CCDC150: variants seen among roughly 807,000 people sequenced by gnomAD.
CCDC150 encodes coiled-coil domain-containing protein 150.
A neutral mutation model predicts 156.5 loss-of-function variants in CCDC150; 151 were observed. That is an observed-to-expected ratio of 0.97 (90% CI 0.85 to 1.10). The LOEUF (loss-of-function observed/expected upper bound fraction) is 1.10, where lower values mean the gene tolerates loss of function less well. CCDC150 is among the 50% of genes least tolerant of loss of function. The probability of loss-of-function intolerance (pLI) is 0.00; values close to 1 mark genes in which losing one functional copy is unlikely to be tolerated. For synonymous variants in CCDC150, 452 were observed against 429.4 expected (o/e 1.05, Z -0.65); for missense variants, 1,312 against 1,268.1 (o/e 1.03, Z -0.53).
At chr2:196,713,310 ATAACTC>A in intron 17 of CCDC150, 2 of 1,425,454 alleles carry the variant, frequency 1.4e-6, no homozygotes, top group South Asian at 1.7e-5. Context: ...TCCTTGAAAA[ATAACTC>A]TAGGTTTAGC....
At chr2:196,647,049 C>A (rs529469772) in intron 2 of CCDC150, among the ~76,000 whole-genome samples, 1 of 152,014 alleles carries the variant, frequency 6.6e-6, no homozygotes, top group African/African-American at 2.4e-5. Flanking sequence ...CTTAAGCAGC[C>A]AATTGAGAAT....
chr2:196,695,479 G>GC (rs1368176129), intron 14 of CCDC150, among the ~76,000 whole-genome samples: 1 of 152,068 alleles, frequency 6.6e-6, no homozygotes, highest in Admixed American at 6.6e-5. Flanking sequence ...TAGGCAATCA[G>GC]TAATAAGTCT....
Position 196,676,666 on chromosome 2 carries a change from G to A in CCDC150, c.1375G>A (p.Glu459Lys). 6.2e-7 allele frequency: 1 copy of A among 1,613,816 alleles called. No homozygotes were observed. Among genetic ancestry groups the A allele is most frequent in the Non-Finnish European group, 8.5e-7 (1 of 1,179,752 alleles). The change falls in exon 12 of 28, where the codon GAA becomes AAA. Residue 459 changes from glutamate to lysine, a missense_variant. Physicochemically the swap from Glu to Lys is moderately conservative, Grantham distance 56. Transcript: ENST00000389175. ...ATCAACTATTGCAAGATTGCGAGGTGAATTGGAAGCATCAATGCAAGAGAA... is the reference window on the plus strand; with the variant it reads ...ATCAACTATTGCAAGATTGCGAGGTAAATTGGAAGCATCAATGCAAGAGAA... ...LESTIARLRGELEASMQEKKS... is the reference protein window; with the variant it reads ...LESTIARLRGKLEASMQEKKS...
chr2:196,719,378 G>A, intron 18 of CCDC150, 119 bp from the exon 19 acceptor site: 4 of 671,248 alleles, frequency 6.0e-6, no homozygotes, highest in Non-Finnish European at 9.4e-6. Context: ...ATTCCCACTA[G>A]CATCCTACTG....
intron 21 of CCDC150, among the ~76,000 whole-genome samples, chr2:196,722,466 G>A (rs531238248): frequency 3.3e-5 from 5 of 151,704 alleles, no homozygotes; most frequent in Admixed American, 6.6e-5. Flanking sequence ...TTAAGAGATA[G>A]GGTTTCTCCA....
intron 13 of CCDC150, among the ~76,000 whole-genome samples, chr2:196,683,583 G>C (rs962433498): frequency 6.6e-6 from 1 of 151,980 alleles, no homozygotes; most frequent in Non-Finnish European, 1.5e-5. Flanking sequence ...GAGGGATTGG[G>C]GTTAATTCTT....
chr2:196,711,818 TATTAGCCACAAATTTTTGAATTAC>T (rs1200710655), intron 15 of CCDC150, among the ~76,000 whole-genome samples: 1 of 152,124 alleles, frequency 6.6e-6, no homozygotes, highest in Non-Finnish European at 1.5e-5. Context: ...AATTCAAATA[TATTAGCCACAAATTTTTGAATTAC>T]ATTAGCCACA....
chr2:196,714,118 G>A lies in CCDC150; in HGVS notation c.1866+1379G>A, dbSNP rs189010051. Among the ~76,000 whole-genome samples, 4 of 152,290 alleles carry A rather than the reference G, an allele frequency of 2.6e-5. No individual in the cohort carries two copies. The East Asian group carries it at 5.8e-4, about 22-fold the overall frequency. On this transcript the variant is annotated intron_variant, in intron 17 of 27. Coordinates refer to ENST00000389175, the MANE Select transcript of CCDC150 (RefSeq NM_001080539.2). ...AAAATACTATAGCTTATCTTCTAGAGTGGGCTACTATTACCGGAAGGAGGG... is the reference window on the plus strand; with the variant it reads ...AAAATACTATAGCTTATCTTCTAGAATGGGCTACTATTACCGGAAGGAGGG...
chr2:196,639,913 G>A (rs1692110146), intron 1 of CCDC150, 135 bp downstream of exon 1: 1 of 789,020 alleles, frequency 1.3e-6, no homozygotes, highest in Non-Finnish European at 1.8e-6. Context: ...CTGGACCTCA[G>A]GGCCCTGATT....
In CCDC150 at chr2:196,665,599, T is replaced by G. The variant is rs772290944; in HGVS notation, c.678T>G (p.Leu226=). The change falls in exon 6 of 28, where the codon CTT becomes CTG. Residue 226 remains leucine (L), a synonymous_variant. Coordinates refer to ENST00000389175, the MANE Select transcript of CCDC150 (RefSeq NM_001080539.2). ...GACAACTGGCTCAGGAGAAGTACCT[T>G]AGGGAATCTTTAGAGAAATCAGCAT... is the stretch of plus-strand genomic sequence containing the variant. ...LRRQLAQEKY[L]RESLEKSASA... The G allele has an allele frequency of 2.5e-6, 4 of 1,604,824 alleles. No individual in the cohort carries two copies. The highest frequency in any genetic ancestry group is 1.7e-6 in the Non-Finnish European group (2 of 1,175,870).
intron 14 of CCDC150, among the ~76,000 whole-genome samples, chr2:196,696,435 G>C (rs1695835736): frequency 6.6e-6 from 1 of 152,200 alleles, no homozygotes; most frequent in South Asian, 2.1e-4. Flanking sequence ...GCCTCAGCTG[G>C]GTTCCTTTGG....
At chr2:196,722,554 G>T (rs1697985910) in intron 21 of CCDC150, among the ~76,000 whole-genome samples, 1 of 152,068 alleles carries the variant, frequency 6.6e-6, no homozygotes, top group Non-Finnish European at 1.5e-5. Flanking sequence ...GGGATTACAG[G>T]CATGAGCCAC....
chr2:196,704,416 A>G (rs1696450587), intron 15 of CCDC150, among the ~76,000 whole-genome samples: 1 of 152,204 alleles, frequency 6.6e-6, no homozygotes, highest in East Asian at 1.9e-4. Flanking sequence ...GTCTCCTTAT[A>G]TACAGAAGAT....
chr2:196,723,427 C>T (rs909675396), intron 21 of CCDC150, among the ~76,000 whole-genome samples: 8 of 152,022 alleles, frequency 5.3e-5, no homozygotes, highest in African/African-American at 1.9e-4. Context: ...ACCTGGGAGG[C>T]AGAGGTTGCA....
At chr2:196,730,693 G>T (rs1479077704) in intron 25 of CCDC150, among the ~76,000 whole-genome samples, 166 bp from the exon 26 acceptor site, 1 of 152,136 alleles carries the variant, frequency 6.6e-6, no homozygotes, top group Non-Finnish European at 1.5e-5. Context: ...CAGACTATAG[G>T]TTAAGCTGAA....
intron 17 of CCDC150, chr2:196,713,142 T>C (rs1447061522): frequency 7.6e-6 from 5 of 655,210 alleles, no homozygotes; most frequent in Admixed American, 7.4e-5. Context: ...TTAGATGCGC[T>C]CTCTGACAGG....
chr2:196,665,730 CAAA>C, intron 6 of CCDC150, 47 bp downstream of exon 6: 1 of 1,112,600 alleles, frequency 9.0e-7, no homozygotes, highest in South Asian at 1.6e-5. Context: ...TGAAACCAAA[CAAA>C]AACTGATATT....
At chr2:196,687,105 A>G (rs939406802) in intron 13 of CCDC150, among the ~76,000 whole-genome samples, 9 of 152,306 alleles carry the variant, frequency 5.9e-5, no homozygotes, top group Middle Eastern at 3.4e-3. Context: ...AGAATGATGT[A>G]TATTCCTTTG....
chr2:196,693,502 TC>T, intron 13 of CCDC150, among the ~76,000 whole-genome samples: 1 of 152,242 alleles, frequency 6.6e-6, no homozygotes, highest in East Asian at 1.9e-4. Flanking sequence ...TGCCCTTATA[TC>T]CTTCAGCCTT....
Sources: allele counts gnomAD v4.1 joint callset (sites outside exome capture counted in the v4.1 genomes callset), GRCh38; gene constraint gnomAD v4.1.1; transcripts MANE v1.5; gene names NCBI Gene and HGNC (gene_info 2026-07-23, HGNC 2026-07-21).